The following PKIB variants were observed in gnomAD, a reference collection of about 807,000 sequenced individuals.
PKIB encodes PKI-beta.
Under a neutral mutation model 4.5 loss-of-function variants are expected in PKIB, and 2 were observed. The observed-to-expected ratio is 0.44, with a 90% CI of 0.18 to 1.39. The LOEUF is 1.39. Among genes scored for constraint, PKIB ranks in the 40% most tolerant of loss-of-function variants. The pLI, the probability that PKIB is intolerant of heterozygous loss-of-function variation, is 0.27. For synonymous variants in PKIB, 38 were observed against 36.0 expected (o/e 1.06, Z -0.20); for missense variants, 94 against 92.6 (o/e 1.02, Z -0.06).
At chr6:122,513,813 T>A (rs1217847412) in intron 2 of PKIB, among the ~76,000 whole-genome samples, 5 of 152,230 alleles carry the variant, frequency 3.3e-5, no homozygotes, top group Non-Finnish European at 7.3e-5. Flanking sequence ...ATGACTTCGT[T>A]CTTTTTAAAT....
intron 3 of PKIB, among the ~76,000 whole-genome samples, chr6:122,703,180 G>A (rs1344734942): frequency 6.6e-6 from 1 of 152,068 alleles, no homozygotes; most frequent in African/African-American, 2.4e-5. Flanking sequence ...CATGCATATT[G>A]TCTATGTACT....
At chr6:122,563,838 T>A (rs182973228) in intron 2 of PKIB, among the ~76,000 whole-genome samples, 1 of 152,208 alleles carries the variant, frequency 6.6e-6, no homozygotes, top group East Asian at 1.9e-4. Flanking sequence ...CCCAAGTCTG[T>A]TTCCAGGCAG....
chr6:122,555,722 C>T (rs1038886977), intron 2 of PKIB, among the ~76,000 whole-genome samples: 2 of 152,090 alleles, frequency 1.3e-5, no homozygotes, highest in Non-Finnish European at 2.9e-5. Flanking sequence ...TATTTCTTAT[C>T]TTAGTGTTCT....
intron 3 of PKIB, among the ~76,000 whole-genome samples, chr6:122,696,362 AT>A (rs1778569690): frequency 6.6e-6 from 1 of 152,220 alleles, no homozygotes; most frequent in Non-Finnish European, 1.5e-5. Context: ...CCCAGTCATT[AT>A]TCAAGTCTCT....
chr6:122,509,920 T>A (rs905104162), intron 2 of PKIB, among the ~76,000 whole-genome samples: 7 of 151,950 alleles, frequency 4.6e-5, no homozygotes, highest in African/African-American at 9.7e-5. Context: ...TTTTTTTTTT[T>A]AATTACTTTT....
At chr6:122,539,937 C>T (rs182500268) in intron 2 of PKIB, among the ~76,000 whole-genome samples, 9 of 152,076 alleles carry the variant, frequency 5.9e-5, no homozygotes, top group African/African-American at 2.2e-4. Flanking sequence ...GGAATTTATC[C>T]ATTTCTTCTA....
chr6:122,632,635 T>C (rs1232077812), intron 1 of PKIB, among the ~76,000 whole-genome samples: 1 of 152,226 alleles, frequency 6.6e-6, no homozygotes, highest in Non-Finnish European at 1.5e-5. Flanking sequence ...TACCTATTCA[T>C]AGCAAAATGT....
chr6:122,694,889 G>A (rs1035747515), intron 3 of PKIB, among the ~76,000 whole-genome samples: 5 of 152,190 alleles, frequency 3.3e-5, no homozygotes, highest in Admixed American at 1.3e-4. Context: ...GACAGTAGAT[G>A]CATATTGATT....
At chr6:122,537,569 A>G (rs1777446590) in intron 2 of PKIB, among the ~76,000 whole-genome samples, 1 of 152,136 alleles carries the variant, frequency 6.6e-6, no homozygotes, top group Non-Finnish European at 1.5e-5. Context: ...TTCTTCATCC[A>G]GTCTATCGTT....
At chr6:122,656,635 G>T (rs1214603847) in intron 2 of PKIB, among the ~76,000 whole-genome samples, 1 of 152,184 alleles carries the variant, frequency 6.6e-6, no homozygotes, top group Non-Finnish European at 1.5e-5. Context: ...CAGAAACCCA[G>T]GCGGGAGAAG....
intron 2 of PKIB, among the ~76,000 whole-genome samples, chr6:122,563,229 CCCTCTTCTGGGT>C (rs1773083605): frequency 1.3e-5 from 2 of 152,050 alleles, no homozygotes; most frequent in Admixed American, 1.3e-4. Flanking sequence ...TGATTGTTGT[CCCTCTTCTGGGT>C]CTAGCCACCC....
upstream of PKIB, among the ~76,000 whole-genome samples, chr6:122,609,188 G>A (rs921686405): frequency 1.3e-5 from 2 of 152,142 alleles, no homozygotes; most frequent in East Asian, 3.9e-4. Context: ...AACAAAATGT[G>A]CCTACATCAC....
At chr6:122,576,347 G>T (rs955695554) in intron 2 of PKIB, among the ~76,000 whole-genome samples, 1 of 147,152 alleles carries the variant, frequency 6.8e-6, no homozygotes, top group African/African-American at 2.5e-5. Flanking sequence ...CTTTTAATTT[G>T]TCAAAATACA....
At chr6:122,608,454 G>A (rs1367881725), upstream of PKIB, among the ~76,000 whole-genome samples, 2 of 152,212 alleles carry the variant, frequency 1.3e-5, no homozygotes, top group Admixed American at 1.3e-4. Context: ...TGGTCAGGTC[G>A]TGTCTAACAT....
chr6:122,529,400 G>A (rs1015129572), intron 2 of PKIB, among the ~76,000 whole-genome samples: 1 of 151,874 alleles, frequency 6.6e-6, no homozygotes, highest in Non-Finnish European at 1.5e-5. Flanking sequence ...TTCATATATT[G>A]TATTCTCACT....
intron 3 of PKIB, among the ~76,000 whole-genome samples, chr6:122,711,190 T>C (rs1326337788): frequency 6.6e-6 from 1 of 152,106 alleles, no homozygotes; most frequent in Non-Finnish European, 1.5e-5. Context: ...CTCAAGCTAA[T>C]GTATTAAAAA....
chr6:122,717,663 T>C, intron 3 of PKIB, 124 bp from the exon 4 acceptor site: 1 of 895,868 alleles, frequency 1.1e-6, no homozygotes, highest in East Asian at 2.4e-5. Flanking sequence ...TTGATGAAGG[T>C]TGTGATCAAT....
chr6:122,504,166 T>A (rs1776331075), intron 2 of PKIB, among the ~76,000 whole-genome samples: 1 of 152,214 alleles, frequency 6.6e-6, no homozygotes, highest in Non-Finnish European at 1.5e-5. Flanking sequence ...TATGAGGCTT[T>A]ATTACTGTTG....
upstream of PKIB, among the ~76,000 whole-genome samples, chr6:122,608,976 T>G (rs1774637738): frequency 6.6e-6 from 1 of 151,888 alleles, no homozygotes; most frequent in Non-Finnish European, 1.5e-5. Flanking sequence ...TATGTTATTA[T>G]ATAATATAAT....
Sources: gnomAD v4.1 joint callset for allele counts (sites outside exome capture counted in the v4.1 genomes callset) on GRCh38, gnomAD v4.1.1 for gene constraint, MANE v1.5 for transcripts, NCBI Gene and HGNC (gene_info 2026-07-23, HGNC 2026-07-21) for gene names.